The following FAM13A variants were observed in gnomAD, a reference collection of about 807,000 sequenced individuals.
FAM13A encodes the protein family with sequence similarity 13 member A.
A neutral mutation model predicts 129.6 loss-of-function variants in FAM13A; 76 were observed. The ratio of observed to expected loss-of-function variants is 0.59; its 90% CI spans 0.49 to 0.71. The LOEUF (loss-of-function observed/expected upper bound fraction) is 0.71. Among genes scored for constraint, FAM13A ranks in the 30% least tolerant of loss-of-function variants. The pLI, the probability that FAM13A is intolerant of heterozygous loss-of-function variation, is 0.00. For missense variants in FAM13A, 1,108 were observed against 1,249.3 expected, an observed-to-expected ratio of 0.89 and a Z score of 1.70; for synonymous variants, 443 against 449.9, an observed-to-expected ratio of 0.98 and a Z score of 0.20.
chr4:88,755,929 A>G (rs917873959), intron 14 of FAM13A, among the ~76,000 whole-genome samples: 28 of 152,358 alleles, frequency 1.8e-4, no homozygotes, highest in Admixed American at 1.4e-3. Context: ...AGTAGGGACT[A>G]CAGGCGCATA....
intron 4 of FAM13A, among the ~76,000 whole-genome samples, chr4:88,976,375 C>T (rs1375426140): frequency 6.6e-6 from 1 of 152,126 alleles, no homozygotes; most frequent in Admixed American, 6.5e-5. Flanking sequence ...CGTTCAACAA[C>T]TAAGGCTGGT....
chr4:88,750,223 T>C (rs1036379043), intron 15 of FAM13A, among the ~76,000 whole-genome samples: 1 of 152,050 alleles, frequency 6.6e-6, no homozygotes, highest in Non-Finnish European at 1.5e-5. Flanking sequence ...CTAAGAAAAT[T>C]CAATATGTGA....
At chr4:88,970,137 T>A (rs1759875922) in intron 4 of FAM13A, among the ~76,000 whole-genome samples, 1 of 152,242 alleles carries the variant, frequency 6.6e-6, no homozygotes, top group Non-Finnish European at 1.5e-5. Context: ...ACTAGAATTT[T>A]AGCACTAGAC....
At chr4:88,795,992 G>A (rs72663486) in intron 8 of FAM13A, among the ~76,000 whole-genome samples, 5,618 of 151,658 alleles carry the variant, frequency 0.037, 154 homozygotes, top group Admixed American at 0.058. Flanking sequence ...TAGTCTCAAA[G>A]AACCAGCTCC....
In FAM13A at chr4:88,739,077, G is replaced by A. The variant is rs753439131; in HGVS notation, c.2515C>T (p.Arg839Trp). 8.7e-6 allele frequency: 14 copies of A among 1,613,830 alleles called. No homozygotes were observed. The highest frequency in any genetic ancestry group is 1.2e-5 in the Non-Finnish European group (14 of 1,179,858). ...CGGGAGAGGATCTGTTTGACCAGCCGGTACCTGTCGTATAGTGGCTTCATC... is the reference window on the plus strand; with the variant it reads ...CGGGAGAGGATCTGTTTGACCAGCCAGTACCTGTCGTATAGTGGCTTCATC... ...QVMKPLYDRY[R>W]LVKQILSRAN... Residue 839 changes from arginine to tryptophan, a missense_variant, in exon 20 of 24, where the codon CGG becomes TGG. Physicochemically the swap from Arg to Trp is moderately radical, Grantham distance 101 (BLOSUM62 -3). This residue lies in a region of FAM13A where 529 missense variants were observed against 621.2 expected (regional missense o/e 0.85). Coordinates refer to ENST00000264344, the MANE Select transcript of FAM13A (RefSeq NM_014883.4).
intron 6 of FAM13A, among the ~76,000 whole-genome samples, chr4:88,884,212 G>A (rs1354315383): frequency 6.7e-6 from 1 of 148,982 alleles, no homozygotes; most frequent in Non-Finnish European, 1.5e-5. Flanking sequence ...ACAAAAAAAA[G>A]AAAACAACAG....
intron 1 of FAM13A, among the ~76,000 whole-genome samples, chr4:89,045,749 C>A (rs904123200): frequency 1.3e-5 from 2 of 152,100 alleles, no homozygotes; most frequent in African/African-American, 4.8e-5. Context: ...CAAGGCAGGG[C>A]GTGGTGGCTC....
intron 5 of FAM13A, chr4:88,936,812 A>G (rs1019282515): frequency 1.3e-5 from 2 of 152,160 alleles, no homozygotes; most frequent in Non-Finnish European, 2.9e-5. Context: ...TTTTATTTTT[A>G]ATTATCATTA....
chr4:88,843,913 G>A (rs1178323792), intron 7 of FAM13A, among the ~76,000 whole-genome samples: 1 of 152,124 alleles, frequency 6.6e-6, no homozygotes, highest in Non-Finnish European at 1.5e-5. Flanking sequence ...TATCTCTAAG[G>A]GTGGGCAGTA....
chr4:89,054,402 ATATATG>A (rs1272351803), intron 1 of FAM13A, among the ~76,000 whole-genome samples: 1 of 152,134 alleles, frequency 6.6e-6, no homozygotes, highest in Non-Finnish European at 1.5e-5. Flanking sequence ...TAGTTGCTAC[ATATATG>A]TATAAGTATG....
At chr4:89,026,256 T>A (rs1767942331) in intron 2 of FAM13A, among the ~76,000 whole-genome samples, 1 of 152,254 alleles carries the variant, frequency 6.6e-6, no homozygotes, top group African/African-American at 2.4e-5. Context: ...AAATCCTGGC[T>A]TCAAGATTTT....
intron 5 of FAM13A, among the ~76,000 whole-genome samples, chr4:88,932,021 G>A (rs1753111426): frequency 6.6e-6 from 1 of 152,204 alleles, no homozygotes; most frequent in Non-Finnish European, 1.5e-5. Flanking sequence ...GGCTACAGAA[G>A]AGGTTAGGAA....
intron 5 of FAM13A, among the ~76,000 whole-genome samples, chr4:88,918,520 C>T (rs1376403957): frequency 6.6e-6 from 1 of 152,208 alleles, no homozygotes; most frequent in Non-Finnish European, 1.5e-5. Context: ...CAGAATACTG[C>T]CTCTCCTGAA....
chr4:88,906,964 T>G (rs891151944), intron 5 of FAM13A, among the ~76,000 whole-genome samples: 2 of 152,242 alleles, frequency 1.3e-5, no homozygotes, highest in African/African-American at 4.8e-5. Flanking sequence ...TGTGGAAGAA[T>G]ATATGAGTAT....
chr4:88,908,442 T>C (rs976004272), intron 5 of FAM13A, among the ~76,000 whole-genome samples: 4 of 152,208 alleles, frequency 2.6e-5, no homozygotes, highest in Non-Finnish European at 2.9e-5. Flanking sequence ...TTAGTAGAAA[T>C]GTCTGACTGT....
chr4:89,043,742 T>G (rs1022127713), intron 1 of FAM13A, among the ~76,000 whole-genome samples: 2 of 151,940 alleles, frequency 1.3e-5, no homozygotes, highest in Non-Finnish European at 2.9e-5. Flanking sequence ...AACAAAAAGA[T>G]AAATTGAACA....
chr4:88,806,375 T>C (rs971071451), intron 7 of FAM13A, among the ~76,000 whole-genome samples: 7 of 152,292 alleles, frequency 4.6e-5, no homozygotes, highest in African/African-American at 1.7e-4. Context: ...CTCTTTTTGC[T>C]TATTTTTAAT....
At chr4:88,841,153 T>A (rs957509996) in intron 7 of FAM13A, among the ~76,000 whole-genome samples, 2 of 152,150 alleles carry the variant, frequency 1.3e-5, no homozygotes, top group Non-Finnish European at 2.9e-5. Context: ...AATAATAGAT[T>A]AATTGGACTT....
intron 8 of FAM13A, among the ~76,000 whole-genome samples, chr4:88,804,338 CAT>C (rs904814265): frequency 3.9e-4 from 60 of 152,274 alleles, no homozygotes; most frequent in African/African-American, 1.4e-3. Context: ...CATTATTCTA[CAT>C]GTGTATATAC....
Sources: gnomAD v4.1 joint callset for allele counts (sites outside exome capture counted in the v4.1 genomes callset) on GRCh38, gnomAD v4.1.1 for gene constraint, gnomAD v4.1.1 regional missense constraint, MANE v1.5 for transcripts, NCBI Gene and HGNC (gene_info 2026-07-23, HGNC 2026-07-21) for gene names.